The following CCDC149 variants were observed in gnomAD, a reference collection of about 807,000 sequenced individuals.
CCDC149 encodes the protein coiled-coil domain-containing protein 149.
CCDC149 carries 45 observed loss-of-function variants against 59.9 expected under a neutral mutation model. The observed-to-expected ratio is 0.75, with a 90% CI of 0.59 to 0.96. The LOEUF (loss-of-function observed/expected upper bound fraction) is 0.96, where lower values mean the gene tolerates loss of function less well. Ranked by LOEUF, CCDC149 falls within the 40% of genes least tolerant of loss-of-function variation. CCDC149 has a pLI of 0.00. For synonymous variants in CCDC149, 245 were observed against 260.6 expected (o/e 0.94, Z 0.58); for missense variants, 584 against 664.7 (o/e 0.88, Z 1.33).
In CCDC149 at chr4:24,936,768, C is replaced by A. The variant is rs112112682; in HGVS notation, c.-64-41650G>T. Among the ~76,000 whole-genome samples the A allele has an allele frequency of 8.2e-3, 1,249 of 152,220 alleles. 20 individuals are homozygous for A. The highest frequency in any genetic ancestry group is 0.028 in the African/African-American group (1,144 of 41,544). ...GAGTTTTAGAGGCTCACTGGAAGAACCTGAGAGTGGGAAAGGTTGGCAGCT... is the reference window on the plus strand; with the variant it reads ...GAGTTTTAGAGGCTCACTGGAAGAAACTGAGAGTGGGAAAGGTTGGCAGCT... On this transcript the variant is annotated intron_variant, in intron 1 of 12. Coordinates refer to the CCDC149 transcript ENST00000389609.
intron 1 of CCDC149, among the ~76,000 whole-genome samples, chr4:24,951,361 G>A (rs1045379754): frequency 3.9e-5 from 6 of 152,132 alleles, no homozygotes; most frequent in Non-Finnish European, 8.8e-5. Context: ...ATTAGGAGTC[G>A]ATTTTAAACA....
chr4:24,964,705 G>T (rs1367123640), intron 1 of CCDC149, among the ~76,000 whole-genome samples: 1 of 152,088 alleles, frequency 6.6e-6, no homozygotes, highest in African/African-American at 2.4e-5. Context: ...TTTAGCAAAA[G>T]ACATGAACTT....
intron 2 of CCDC149, 74 bp downstream of exon 2, chr4:24,876,462 C>T (rs1719445216): frequency 6.8e-7 from 1 of 1,460,968 alleles, no homozygotes; most frequent in Non-Finnish European, 9.2e-7. Context: ...TCTAAAGAAA[C>T]AGCATGTGAA....
upstream of CCDC149, among the ~76,000 whole-genome samples, chr4:24,917,873 GCAGA>G (rs753835091): frequency 2.0e-5 from 3 of 152,076 alleles, no homozygotes; most frequent in Non-Finnish European, 4.4e-5. Context: ...AAATGGAAAC[GCAGA>G]GAGGCAGCAG....
chr4:24,896,451 C>T (rs913329078), intron 1 of CCDC149, among the ~76,000 whole-genome samples: 2 of 152,174 alleles, frequency 1.3e-5, no homozygotes, highest in African/African-American at 4.8e-5. Flanking sequence ...GCATGAGAGT[C>T]AACCGTGGGT....
intron 1 of CCDC149, among the ~76,000 whole-genome samples, chr4:24,964,187 C>T (rs1393108658): frequency 1.8e-5 from 1 of 56,420 alleles, no homozygotes; most frequent in African/African-American, 8.2e-5. Flanking sequence ...GAGTGAGACC[C>T]TATCTAAAAA....
At chr4:24,818,591 G>A (rs1409269939) in intron 12 of CCDC149, among the ~76,000 whole-genome samples, 1 of 152,214 alleles carries the variant, frequency 6.6e-6, no homozygotes, top group Non-Finnish European at 1.5e-5. Context: ...GCTGACCAGG[G>A]CTGTTGGCAT....
At chr4:24,952,608 A>G (rs1448452481) in intron 1 of CCDC149, among the ~76,000 whole-genome samples, 13 of 33,210 alleles carry the variant, frequency 3.9e-4, no homozygotes, top group African/African-American at 1.6e-3. Flanking sequence ...AAAAAAAAAA[A>G]AAAAAAAAAA....
rs1577382357 is a variant in CCDC149 at position 24,822,554 on chromosome 4, C to T, written c.985G>A (p.Ala329Thr). The T allele has an allele frequency of 6.5e-7, 1 of 1,533,906 alleles. No individual in the cohort carries two copies. The highest frequency in any genetic ancestry group is 8.8e-7 in the Non-Finnish European group (1 of 1,139,146). The change falls in exon 10 of 13, where the codon GCT (alanine) becomes ACT (threonine). Residue 329 changes from alanine (A) to threonine (T), a missense_variant. Ala to Thr is a moderately conservative substitution (Grantham distance 58, BLOSUM62 0). Coordinates refer to ENST00000635206, the MANE Select transcript of CCDC149 (RefSeq NM_001330643.2). ...GTTCTTAATTTTTTTTCCAGCTCAGCCACCCGATTCCCTAGGATTCTGAAA... is the reference window on the plus strand; with the variant it reads ...GTTCTTAATTTTTTTTCCAGCTCAGTCACCCGATTCCCTAGGATTCTGAAA...
At chr4:24,857,049 A>G (rs2109195652) in intron 3 of CCDC149, among the ~76,000 whole-genome samples, 1 of 152,320 alleles carries the variant, frequency 6.6e-6, no homozygotes, top group Admixed American at 6.5e-5. Context: ...GAGAGGTCCA[A>G]AGAAATGTCT....
intron 3 of CCDC149, among the ~76,000 whole-genome samples, chr4:24,860,207 T>C (rs943696617): frequency 1.3e-5 from 2 of 152,254 alleles, no homozygotes; most frequent in East Asian, 3.9e-4. Flanking sequence ...CATTAGGCCA[T>C]AGTCACCAAA....
rs746216101 is a variant in CCDC149, at chr4:24,895,006, T to A, written c.63+17811A>T. On this transcript the variant is annotated intron_variant, in intron 1 of 12. Transcript: ENST00000635206. ...TTTGTCAATACCTCAGAATCCCAAG[T>A]GGCCGCTCTGGCGATGATGATGATG... 3.9e-6 allele frequency: 6 copies of A among 1,536,274 alleles called. No homozygotes were observed. The highest frequency in any genetic ancestry group is 4.4e-6 in the Non-Finnish European group (5 of 1,146,862).
chr4:24,970,696 G>T (rs1228479037), intron 1 of CCDC149, among the ~76,000 whole-genome samples: 1 of 152,144 alleles, frequency 6.6e-6, no homozygotes, highest in Non-Finnish European at 1.5e-5. Flanking sequence ...GTGACACAGG[G>T]TGGCCTTACC....
At chr4:24,943,522 TA>T in intron 1 of CCDC149, among the ~76,000 whole-genome samples, 1 of 152,220 alleles carries the variant, frequency 6.6e-6, no homozygotes, top group African/African-American at 2.4e-5. Flanking sequence ...ACTTCATGTC[TA>T]AAACACCAAA....
intron 1 of CCDC149, among the ~76,000 whole-genome samples, chr4:24,876,919 TAAAAAGCAGAACGTTTTA>T (rs1286732751): frequency 1.3e-5 from 2 of 152,156 alleles, no homozygotes; most frequent in Non-Finnish European, 2.9e-5. Flanking sequence ...ACAAGTAAGT[TAAAAAGCAGAACGTTTTA>T]AAAAGTTGCA....
At chr4:24,931,941 C>T (rs73250634) in intron 1 of CCDC149, among the ~76,000 whole-genome samples, 5 of 149,056 alleles carry the variant, frequency 3.4e-5, no homozygotes, top group African/African-American at 5.0e-5. Flanking sequence ...CATTTAAATC[C>T]TCATAGTAAC....
At chr4:24,904,172 C>T (rs1475401260) in intron 1 of CCDC149, among the ~76,000 whole-genome samples, 1 of 152,154 alleles carries the variant, frequency 6.6e-6, no homozygotes, top group African/African-American at 2.4e-5. Flanking sequence ...ATGCACACAT[C>T]CAAACTCTCA....
chr4:24,918,795 T>C (rs1339496676), intron 1 of CCDC149, among the ~76,000 whole-genome samples: 4 of 152,176 alleles, frequency 2.6e-5, no homozygotes, highest in Admixed American at 2.0e-4. Context: ...ACAGCCATGG[T>C]GTGTCAGTGT....
chr4:24,889,281 G>GA (rs1720388715), intron 1 of CCDC149, among the ~76,000 whole-genome samples: 1 of 152,042 alleles, frequency 6.6e-6, no homozygotes, highest in South Asian at 2.1e-4. Context: ...GAAACACATG[G>GA]AAAAAAGATT....
Sources: allele counts gnomAD v4.1 joint callset (sites outside exome capture counted in the v4.1 genomes callset), GRCh38; gene constraint gnomAD v4.1.1; transcripts MANE v1.5; gene names NCBI Gene and HGNC (gene_info 2026-07-23, HGNC 2026-07-21).